The following ARFGEF2 variants were observed in gnomAD, a reference collection of about 807,000 sequenced individuals.
The protein encoded by ARFGEF2 is brefeldin A-inhibited guanine nucleotide-exchange protein 2.
In ARFGEF2, 74 loss-of-function variants were observed where a neutral mutation model predicts 219.9. The observed-to-expected ratio is 0.34, with a 90% CI of 0.28 to 0.41. The LOEUF (loss-of-function observed/expected upper bound fraction) is 0.41. Among genes scored for constraint, ARFGEF2 ranks in the 10% least tolerant of loss-of-function variants. The probability of loss-of-function intolerance (pLI) is 1.00; values close to 1 mark genes in which losing one functional copy is unlikely to be tolerated. For synonymous variants in ARFGEF2, 733 were observed against 799.2 expected, an observed-to-expected ratio of 0.92 and a Z score of 1.40; for missense variants, 1,743 against 2,218.3, an observed-to-expected ratio of 0.79 and a Z score of 4.30.
rs773805869 is a variant in ARFGEF2, at chr20:48,998,389, C to T, written c.3316C>T (p.His1106Tyr). The T allele has an allele frequency of 1.2e-6, 2 of 1,614,156 alleles. No individual in the cohort carries two copies. Among genetic ancestry groups the T allele is most frequent in the Non-Finnish European group, 1.7e-6 (2 of 1,180,034 alleles). The change falls in exon 25 of 39, where the codon CAC becomes TAC. Residue 1106 changes from histidine to tyrosine, a missense_variant. His to Tyr is a moderately conservative substitution (Grantham distance 83). Transcript: ENST00000371917. ...GTCCATGGATGAACTGGCTTCCCCCCACCATCCTCGCATGTTCAGCTTGCA... is the reference window on the plus strand; with the variant it reads ...GTCCATGGATGAACTGGCTTCCCCCTACCATCCTCGCATGTTCAGCTTGCA... ...AVSMDELASP[H>Y]HPRMFSLQKI...
chr20:48,989,435 A>G lies in ARFGEF2; in HGVS notation c.2684A>G (p.Lys895Arg), dbSNP rs1010372982. 6.2e-7 allele frequency: 1 copy of G among 1,614,128 alleles called. No individual in the cohort carries two copies. The highest frequency in any genetic ancestry group is 8.5e-7 in the Non-Finnish European group (1 of 1,180,044). The change falls in exon 19 of 39, where the codon AAA (lysine) becomes AGA (arginine). Residue 895 changes from lysine to arginine, a missense_variant and splice_region_variant. Around this residue, in one of 5 missense-constraint regions of ARFGEF2, gnomAD observed 666 missense variants for 955.4 expected, o/e 0.70. Coordinates refer to ENST00000371917, the MANE Select transcript of ARFGEF2 (RefSeq NM_006420.3). ...THLDHVRPMF[K>R]LVWTPLLAAY... is the part of the protein sequence containing the mutation. ...CTGGACCATGTCCGGCCAATGTTCA[A>G]AGTGAGTATCCTGAGAACTTAGCAA...
chr20:49,019,901 T>C (rs982924735), intron 34 of ARFGEF2, among the ~76,000 whole-genome samples: 2 of 152,234 alleles, frequency 1.3e-5, no homozygotes, highest in Non-Finnish European at 2.9e-5. Context: ...TTTCAAATTA[T>C]TTTTGCCAAA....
At chr20:48,959,627 T>C (rs999112631) in intron 6 of ARFGEF2, among the ~76,000 whole-genome samples, 15 of 129,280 alleles carry the variant, frequency 1.2e-4, no homozygotes, top group Non-Finnish European at 1.6e-4. Flanking sequence ...CCTTCCATTT[T>C]GAGACAGGTT....
chr20:48,934,181 G>A (rs367570943), intron 1 of ARFGEF2, among the ~76,000 whole-genome samples: 8 of 150,202 alleles, frequency 5.3e-5, no homozygotes, highest in African/African-American at 2.0e-4. Context: ...AACCCATCTG[G>A]CATCATTCAG....
At chr20:48,957,917 C>A (rs2091115101) in intron 6 of ARFGEF2, among the ~76,000 whole-genome samples, 3 of 152,140 alleles carry the variant, frequency 2.0e-5, no homozygotes, top group Admixed American at 2.0e-4. Context: ...TATACTCTAT[C>A]CCTCCAAAAA....
rs57765787 is a variant in ARFGEF2, at chr20:48,928,445, G to A, written c.121+6435G>A. On this transcript the variant is annotated intron_variant, in intron 1 of 38. Transcript: ENST00000371917. ...GATCTCCTGACCTCGTGATCCGCCCGCCTCGGCCTCCCAAAGTGCTGGGAT... is the reference window on the plus strand; with the variant it reads ...GATCTCCTGACCTCGTGATCCGCCCACCTCGGCCTCCCAAAGTGCTGGGAT... 3.4e-5 allele frequency among the ~76,000 whole-genome samples: 5 copies of A among 145,228 alleles called. 1 individual carries two copies. The highest frequency in any genetic ancestry group is 1.3e-4 in the African/African-American group (5 of 39,060).
chr20:49,026,832 CATCTT>C (rs886264564), intron 36 of ARFGEF2, among the ~76,000 whole-genome samples: 2 of 152,196 alleles, frequency 1.3e-5, no homozygotes, highest in African/African-American at 2.4e-5. Context: ...GTAATCCACT[CATCTT>C]AGCCTCCCAA....
chr20:48,946,801 G>A (rs2091031338), intron 3 of ARFGEF2, among the ~76,000 whole-genome samples: 1 of 151,388 alleles, frequency 6.6e-6, no homozygotes, highest in Admixed American at 6.6e-5. Context: ...TGCCCAGCCA[G>A]TTTTTTTGGT....
chr20:48,987,027 G>A (rs1466351708), intron 16 of ARFGEF2, among the ~76,000 whole-genome samples: 1 of 152,116 alleles, frequency 6.6e-6, no homozygotes, highest in Non-Finnish European at 1.5e-5. Context: ...TAACTGTTTT[G>A]CCTCTCAGGT....
chr20:48,944,282 G>T (rs1568695410), intron 3 of ARFGEF2, among the ~76,000 whole-genome samples: 1 of 152,134 alleles, frequency 6.6e-6, no homozygotes, highest in Non-Finnish European at 1.5e-5. Flanking sequence ...GCATGTTAAG[G>T]TTTTCTTTTG....
chr20:48,942,183 C>A (rs1335462180), intron 3 of ARFGEF2, among the ~76,000 whole-genome samples, 196 bp downstream of exon 3: 1 of 152,150 alleles, frequency 6.6e-6, no homozygotes, highest in Non-Finnish European at 1.5e-5. Context: ...TAGCTTAAAA[C>A]CAGAAATTTT....
intron 25 of ARFGEF2, among the ~76,000 whole-genome samples, chr20:49,002,413 C>T (rs1354280307): frequency 6.6e-6 from 1 of 152,092 alleles, no homozygotes; most frequent in Non-Finnish European, 1.5e-5. Flanking sequence ...CCACTTTCAC[C>T]CTCCTGACCA....
Position 49,005,167 on chromosome 20 carries a change from TC to T in ARFGEF2, c.3532del (p.Arg1178ValfsTer7). ...KFLEKGELAN[F>X]RFQKDFLRPF... ...CTTGAGAAGGGTGAATTAGCCAACT[TC>T]CGTTTCCAGAAAGATTTTCTGAGGC... On this transcript the variant is annotated frameshift_variant, in exon 26 of 39. Coordinates refer to ENST00000371917, the MANE Select transcript of ARFGEF2 (RefSeq NM_006420.3). LOFTEE classifies it high-confidence loss of function. The T allele has an allele frequency of 6.2e-7, 1 of 1,614,230 alleles. No individual in the cohort carries two copies. The highest frequency in any genetic ancestry group is 8.5e-7 in the Non-Finnish European group (1 of 1,180,040).
intron 6 of ARFGEF2, among the ~76,000 whole-genome samples, chr20:48,958,195 A>G (rs938930978): frequency 1.3e-5 from 2 of 152,238 alleles, no homozygotes; most frequent in Non-Finnish European, 2.9e-5. Flanking sequence ...CACAGGCCTA[A>G]TAAAAAGTAG....
chr20:48,958,857 C>T (rs1344640535), intron 6 of ARFGEF2, among the ~76,000 whole-genome samples: 1 of 152,156 alleles, frequency 6.6e-6, no homozygotes, highest in Non-Finnish European at 1.5e-5. Context: ...AGTGTGATGG[C>T]ACCTCGCATT....
intron 25 of ARFGEF2, among the ~76,000 whole-genome samples, chr20:49,000,218 G>T (rs765715903): frequency 9.9e-5 from 15 of 152,212 alleles, no homozygotes; most frequent in Non-Finnish European, 1.8e-4. Flanking sequence ...ATCAGCTAAT[G>T]AAAGTTCCTT....
chr20:48,992,471 G>A (rs904518566), intron 21 of ARFGEF2, among the ~76,000 whole-genome samples: 1 of 152,150 alleles, frequency 6.6e-6, no homozygotes, highest in Non-Finnish European at 1.5e-5. Flanking sequence ...CAGATTCAGA[G>A]TAAAGGCTCT....
chr20:48,991,047 G>A lies in ARFGEF2; in HGVS notation c.2822G>A (p.Arg941Gln), dbSNP rs1600638623. 3 of 1,614,054 alleles carry A rather than the reference G, an allele frequency of 1.9e-6. No homozygotes were observed. Among genetic ancestry groups the A allele is most frequent in the Non-Finnish European group, 2.5e-6 (3 of 1,179,976 alleles). The change falls in exon 21 of 39, where the codon CGA becomes CAA. Residue 941 changes from arginine (R) to glutamine (Q), a missense_variant. By Grantham distance (43) the Arg-to-Gln change is conservative. Transcript: ENST00000371917. ...CTTGGGTTTCTGTTACAGCTGGAAC[G>A]AGATGCCTATGTTCAGGCTCTTGCT... ...IACIFGMQLE[R>Q]DAYVQALARF...
At chr20:48,932,666 G>A (rs1486966619) in intron 1 of ARFGEF2, among the ~76,000 whole-genome samples, 1 of 152,190 alleles carries the variant, frequency 6.6e-6, no homozygotes, top group Non-Finnish European at 1.5e-5. Context: ...GGAAAGCCGA[G>A]AGGTTGGCCA....
Sources: gnomAD v4.1 joint callset for allele counts (sites outside exome capture counted in the v4.1 genomes callset) on GRCh38, gnomAD v4.1.1 for gene constraint, gnomAD v4.1.1 regional missense constraint, MANE v1.5 for transcripts, NCBI Gene and HGNC (gene_info 2026-07-23, HGNC 2026-07-21) for gene names.